EGFR: variants seen among roughly 807,000 people sequenced by gnomAD.
EGFR encodes avian erythroblastic leukemia viral (v-erb-b) oncogene homolog.
A neutral mutation model predicts 143.0 loss-of-function variants in EGFR; 58 were observed. That is an observed-to-expected ratio of 0.41 (90% CI 0.33 to 0.50). EGFR has a LOEUF of 0.50. Among genes scored for constraint, EGFR ranks in the 20% least tolerant of loss-of-function variants. EGFR has a pLI of 0.39. For missense variants in EGFR, 1,307 were observed against 1,579.0 expected, an observed-to-expected ratio of 0.83 and a Z score of 2.92; for synonymous variants, 613 against 594.4, an observed-to-expected ratio of 1.03 and a Z score of -0.45.
rs191395225 is a variant in EGFR, at chr7:55,098,249, G to A, written c.89-44037G>A. 9.1e-4 allele frequency among the ~76,000 whole-genome samples: 139 copies of A among 152,282 alleles called. 2 individuals carry two copies. In the South Asian group the frequency reaches 0.012, roughly 13 times the overall value. ...GATTTTTTCAAAACCTAAATAGCCT[G>A]TGTTTCTCCAAATAACTAATTTGCA... is the stretch of plus-strand genomic sequence containing the variant. On this transcript the variant is annotated intron_variant, in intron 1 of 27. Coordinates refer to ENST00000275493, the MANE Select transcript of EGFR (RefSeq NM_005228.5).
intron 1 of EGFR, among the ~76,000 whole-genome samples, chr7:55,122,752 G>C (rs1793285545): frequency 6.6e-6 from 1 of 152,200 alleles, no homozygotes; most frequent in Non-Finnish European, 1.5e-5. Context: ...GTCTGATGAG[G>C]TGTCCCTCAT....
At chr7:55,132,616 G>A (rs965576372) in intron 1 of EGFR, among the ~76,000 whole-genome samples, 1 of 152,154 alleles carries the variant, frequency 6.6e-6, no homozygotes, top group Non-Finnish European at 1.5e-5. Flanking sequence ...CATTTGCTTG[G>A]TAATGAGGAA....
intron 1 of EGFR, among the ~76,000 whole-genome samples, chr7:55,072,154 C>T (rs573531798): frequency 5.3e-5 from 8 of 151,054 alleles, no homozygotes; most frequent in African/African-American, 7.3e-5. Flanking sequence ...TAAATGCACA[C>T]GTTTTATCAA....
At chr7:55,194,279 T>C (rs1422787601) in intron 22 of EGFR, among the ~76,000 whole-genome samples, 1 of 149,104 alleles carries the variant, frequency 6.7e-6, no homozygotes, top group African/African-American at 2.5e-5. Context: ...CAGGCTGGAG[T>C]GCAGTGGTGC....
chr7:55,065,758 T>C (rs1313034185), intron 1 of EGFR, among the ~76,000 whole-genome samples: 2 of 151,192 alleles, frequency 1.3e-5, no homozygotes, highest in African/African-American at 4.9e-5. Flanking sequence ...CCCTCTTCAC[T>C]AACATGCTTT....
chr7:55,200,794 T>C (rs1787813858), intron 24 of EGFR: 1 of 478,854 alleles, frequency 2.1e-6, no homozygotes, highest in East Asian at 3.7e-5. Flanking sequence ...GATCCACCTA[T>C]CTCCTTCCAT....
At chr7:55,196,195 C>CTTTTTTT (rs1331766673) in intron 22 of EGFR, among the ~76,000 whole-genome samples, 25 of 55,350 alleles carry the variant, frequency 4.5e-4, no homozygotes, top group East Asian at 1.1e-3. Flanking sequence ...TTTTTTTTTA[C>CTTTTTTT]TTTTCAATAA....
chr7:55,092,863 C>G (rs890088459), intron 1 of EGFR, among the ~76,000 whole-genome samples: 2 of 152,242 alleles, frequency 1.3e-5, no homozygotes, highest in African/African-American at 2.4e-5. Flanking sequence ...GATGATGTTA[C>G]TAAAGATCTG....
chr7:55,122,489 A>G (rs1793267140), intron 1 of EGFR, among the ~76,000 whole-genome samples: 1 of 152,180 alleles, frequency 6.6e-6, no homozygotes, highest in Non-Finnish European at 1.5e-5. Flanking sequence ...CCTCGCCCTC[A>G]AGAGGCAGCC....
intron 1 of EGFR, among the ~76,000 whole-genome samples, chr7:55,141,860 T>G (rs1030737879): frequency 2.0e-5 from 3 of 152,226 alleles, no homozygotes; most frequent in Non-Finnish European, 4.4e-5. Context: ...AAATACCTTG[T>G]GAAATTTATT....
chr7:55,165,250 G>A (rs2128945968), intron 14 of EGFR, 30 bp from the exon 15 acceptor site: 1 of 1,613,802 alleles, frequency 6.2e-7, no homozygotes, highest in Non-Finnish European at 8.5e-7. Context: ...AAAGAGACAT[G>A]CATGAACATT....
Position 55,172,921 on chromosome 7 carries a change from G to A in EGFR, c.1920-62G>A, listed in dbSNP as rs867407881. 3.1e-6 allele frequency: 5 copies of A among 1,613,716 alleles called. No individual in the cohort carries two copies. In the Middle Eastern group the frequency reaches 4.9e-4, roughly 160 times the overall value. ...ACTGAAACATGCAGGGGCGTGTTGA[G>A]TGCCAAGGCCATGGAATCTGTCAGC... On this transcript the variant is annotated intron_variant, in intron 16 of 27. Coordinates refer to ENST00000275493, the MANE Select transcript of EGFR (RefSeq NM_005228.5).
At chr7:55,052,560 T>C (rs1016552450) in intron 1 of EGFR, among the ~76,000 whole-genome samples, 4 of 152,224 alleles carry the variant, frequency 2.6e-5, no homozygotes, top group Non-Finnish European at 1.5e-5. Flanking sequence ...GAAGGCACAC[T>C]AAGTGCTGCC....
chr7:55,200,803 A>C (rs764551510), intron 24 of EGFR: 1 of 475,796 alleles, frequency 2.1e-6, no homozygotes, highest in African/African-American at 1.9e-5. Flanking sequence ...ATCTCCTTCC[A>C]TAACACAGGA....
rs2128976881 is a variant in EGFR at position 55,209,219 on chromosome 7, A to G, written c.*3602A>G. 1 of 152,286 alleles carries G rather than the reference A, an allele frequency of 6.6e-6. No homozygotes were observed. The highest frequency in any genetic ancestry group is 1.9e-4 in the East Asian group (1 of 5,184). The allele number at this position is 152,286 out of a possible 1,614,324, so 9.4% of individuals were successfully genotyped here. A position where few individuals can be genotyped will look rare whatever the true frequency, so the allele number is the denominator to read the frequency against. ...AACCAGGGTTGAAACCCTTATTTCTAGGGTCTTCAGTTGTACAAGACTGTG... is the reference window on the plus strand; with the variant it reads ...AACCAGGGTTGAAACCCTTATTTCTGGGGTCTTCAGTTGTACAAGACTGTG... On this transcript the variant is annotated 3_prime_UTR_variant, in exon 28 of 28. Transcript: ENST00000275493.
At chr7:55,028,278 T>C (rs1787051111) in intron 1 of EGFR, among the ~76,000 whole-genome samples, 1 of 152,052 alleles carries the variant, frequency 6.6e-6, no homozygotes, top group Admixed American at 6.6e-5. Context: ...AATTGATGCA[T>C]TGCACATAGT....
At position 55,120,300 on chromosome 7, in the gene EGFR, G is replaced by A. The variant is rs1584090455; in HGVS notation, c.89-21986G>A. ...TGCCTACACGTGGAGGGCCCAAGAGGGCTAATATGTGACTATCTCCACTTC... is the reference window on the plus strand; with the variant it reads ...TGCCTACACGTGGAGGGCCCAAGAGAGCTAATATGTGACTATCTCCACTTC... On this transcript the variant is annotated intron_variant, in intron 1 of 27. Transcript: ENST00000275493. Among the ~76,000 whole-genome samples the A allele has an allele frequency of 3.9e-5, 6 of 152,250 alleles. No homozygotes were observed. In the East Asian group the frequency reaches 1.2e-3, roughly 29 times the overall value.
intron 2 of EGFR, among the ~76,000 whole-genome samples, chr7:55,142,780 G>C (rs1001901906): frequency 6.6e-6 from 1 of 152,054 alleles, no homozygotes; most frequent in African/African-American, 2.4e-5. Context: ...TTCCCTTAGT[G>C]TAAATACTCC....
At chr7:55,117,528 G>A (rs1210945296) in intron 1 of EGFR, among the ~76,000 whole-genome samples, 1 of 152,164 alleles carries the variant, frequency 6.6e-6, no homozygotes, top group African/African-American at 2.4e-5. Flanking sequence ...TAGCAGAGCT[G>A]GGGCAACCCT....
Sources: gnomAD v4.1 joint callset for allele counts (sites outside exome capture counted in the v4.1 genomes callset) on GRCh38, gnomAD v4.1.1 for gene constraint, MANE v1.5 for transcripts, NCBI Gene and HGNC (gene_info 2026-07-23, HGNC 2026-07-21) for gene names.